MYH7: variants seen among roughly 807,000 people sequenced by gnomAD.
MYH7 encodes the protein myosin heavy chain 7.
A neutral mutation model predicts 225.4 loss-of-function variants in MYH7; 129 were observed. That is an observed-to-expected ratio of 0.57 (90% CI 0.50 to 0.66). The LOEUF is 0.66. Ranked by LOEUF, MYH7 falls within the 30% of genes least tolerant of loss-of-function variation. MYH7 has a pLI of 0.00. For synonymous variants in MYH7, 971 were observed against 1,007.6 expected (o/e 0.96, Z 0.69); for missense variants, 1,649 against 2,517.0 (o/e 0.66, Z 7.38).
At chr14:23,414,965 G>A (rs45559133) in intron 37 of MYH7, 30 bp downstream of exon 37, 1 of 1,602,876 alleles carries the variant, frequency 6.2e-7, no homozygotes, top group South Asian at 1.1e-5. Flanking sequence ...ATGGTGCCAG[G>A]GCTCTGCCTG....
chr14:23,431,455 C>T lies in MYH7; in HGVS notation c.759G>A (p.Gly253=), dbSNP rs1477701266. The T allele has an allele frequency of 6.2e-7, 1 of 1,614,142 alleles. No individual in the cohort carries two copies. Among genetic ancestry groups the T allele is most frequent in the Non-Finnish European group, 8.5e-7 (1 of 1,180,018 alleles). Residue 253 remains glycine (G), a synonymous_variant, in exon 9 of 40, where the codon GGG becomes GGA. Coordinates refer to ENST00000355349, the MANE Select transcript of MYH7 (RefSeq NM_000257.4). ...RFGKFIRIHF[G]ATGKLASADI... is the part of the protein sequence containing the mutation. ...CTGCAGATGCCAACTTTCCTGTTGC[C>T]CCAAAATGAATTCGAATGAATTTCC...
Position 23,415,571 on chromosome 14 carries a change from C to T in MYH7, c.5157+58G>A. ...GAGCATCTATGCATAGCTCTCAAGC[C>T]TTGCTTGCTGAGCCCCAGCCTGTGC... On this transcript the variant is annotated intron_variant, in intron 35 of 39. Transcript: ENST00000355349. The surrounding 1 kb of genome is among the most constrained non-coding windows in gnomAD (Gnocchi z 6.3). The T allele has an allele frequency of 6.2e-7, 1 of 1,613,942 alleles. No homozygotes were observed. The highest frequency in any genetic ancestry group is 8.5e-7 in the Non-Finnish European group (1 of 1,180,040).
Position 23,425,948 on chromosome 14 carries a change from G to A in MYH7, c.2162+16C>T. ...CTCCCCCTGTTCTATGAGCTCTGGT[G>A]CACCCTCATACCCACCTCTGCCGGA... On this transcript the variant is annotated intron_variant, in intron 19 of 39. Transcript: ENST00000355349. This position sits in a 1 kb window ranked among gnomAD's most constrained non-coding sequence, Gnocchi z 4.6. The A allele has an allele frequency of 1.2e-6, 2 of 1,613,212 alleles. No individual in the cohort carries two copies. Among genetic ancestry groups the A allele is most frequent in the East Asian group, 2.2e-5 (1 of 44,882 alleles).
chr14:23,413,255 T>C (rs1892045137), intron 39 of MYH7, among the ~76,000 whole-genome samples: 1 of 152,152 alleles, frequency 6.6e-6, no homozygotes, highest in Non-Finnish European at 1.5e-5. Context: ...GTGGCACCCC[T>C]CCCTAAGGCT....
At position 23,430,602 on chromosome 14, in the gene MYH7, G is replaced by A. The variant is rs368699342; in HGVS notation, c.957C>T (p.Thr319=). 166 of 1,614,110 alleles carry A rather than the reference G, an allele frequency of 1.0e-4. No homozygotes were observed. The highest frequency in any genetic ancestry group is 3.0e-4 in the Admixed American group (18 of 60,008). The change falls in exon 11 of 40, where the codon ACC becomes ACT. Residue 319 remains threonine, a synonymous_variant. Coordinates refer to ENST00000355349, the MANE Select transcript of MYH7 (RefSeq NM_000257.4). ...CCTCAGCGTCATCAATGGAGGCCAC[G>A]GTGGTCTCTCCTTGGGAGATGAATG... ...DYAFISQGET[T]VASIDDAEEL...
chr14:23,423,631 C>G lies in MYH7; in HGVS notation c.3015G>C (p.Gln1005His). The change falls in exon 24 of 40, where the codon CAG becomes CAC. Residue 1005 changes from glutamine to histidine, a missense_variant. Physicochemically the swap from Gln to His is conservative, Grantham distance 24. Coordinates refer to ENST00000355349, the MANE Select transcript of MYH7 (RefSeq NM_000257.4). ...EKKALQEAHQ[Q>H]ALDDLQAEED... ...CCTCGGCCTGAAGGTCATCCAGAGC[C>G]TGTTGGTGGGCCTCTTGCAGAGCTT... 6.2e-7 allele frequency: 1 copy of G among 1,614,136 alleles called. No individual in the cohort carries two copies. The highest frequency in any genetic ancestry group is 1.1e-5 in the South Asian group (1 of 91,086).
chr14:23,421,185 T>A, intron 25 of MYH7, 137 bp from the exon 26 acceptor site: 1 of 706,692 alleles, frequency 1.4e-6, no homozygotes, highest in Non-Finnish European at 2.6e-6. Flanking sequence ...TGATGTAGGA[T>A]CCCTGGAAGT....
chr14:23,431,069 A>C, intron 9 of MYH7, 70 bp from the exon 10 acceptor site: 3 of 1,156,148 alleles, frequency 2.6e-6, no homozygotes, highest in South Asian at 2.5e-5. Flanking sequence ...AATTAATGAT[A>C]AATGTAGCAA....
chr14:23,426,954 A>C, intron 17 of MYH7, 90 bp from the exon 18 acceptor site: 28 of 1,163,676 alleles, frequency 2.4e-5, no homozygotes, highest in Non-Finnish European at 3.2e-5. Context: ...GAAAAGAGAG[A>C]TGGAGAGAAT....
Position 23,427,841 on chromosome 14 carries a change from G to C in MYH7, c.1632C>G (p.Thr544=), listed in dbSNP as rs587781089. The change falls in exon 16 of 40, where the codon ACC becomes ACG. Residue 544 remains threonine (T), a synonymous_variant. Transcript: ENST00000355349. ...LEEECMFPKA[T]DMTFKAKLFD... Reference sequence around the variant, plus strand: ...ACAGCTTGGCCTTGAAGGTCATGTCGGTGGCCTTGGGGAACATGCACTCCT... The same window carrying C: ...ACAGCTTGGCCTTGAAGGTCATGTCCGTGGCCTTGGGGAACATGCACTCCT... 3.1e-6 allele frequency: 5 copies of C among 1,614,178 alleles called. No homozygotes were observed. The Admixed American group carries it at 6.7e-5, about 22-fold the overall frequency.
chr14:23,434,736 A>G (rs1893078937), intron 1 of MYH7, among the ~76,000 whole-genome samples: 1 of 152,204 alleles, frequency 6.6e-6, no homozygotes, highest in African/African-American at 2.4e-5. Context: ...TGATGACTCT[A>G]AAGAGACTTC....
intron 23 of MYH7, 29 bp downstream of exon 23, chr14:23,423,878 G>A (rs762059829): frequency 1.3e-5 from 21 of 1,613,556 alleles, no homozygotes; most frequent in South Asian, 6.6e-5. Flanking sequence ...GATGAGACCC[G>A]GGCTGGAGCC....
Position 23,417,212 on chromosome 14 carries a change from GCGTT to G in MYH7, c.4456_4459del (p.Asn1486ProfsTer26). 6.2e-7 allele frequency: 1 copy of G among 1,614,136 alleles called. No homozygotes were observed. Among genetic ancestry groups the G allele is most frequent in the Non-Finnish European group, 8.5e-7 (1 of 1,180,010 alleles). On this transcript the variant is annotated frameshift_variant, in exon 32 of 40. Coordinates refer to ENST00000355349, the MANE Select transcript of MYH7 (RefSeq NM_000257.4). LOFTEE classifies it high-confidence loss of function. ...CAGATGTTCCAGGGACTCCTCATAGGCGTTCTTGAGTTTGAAGAGCTCTGTGCTG... is the reference window on the plus strand; with the variant it reads ...CAGATGTTCCAGGGACTCCTCATAGGCTTGAGTTTGAAGAGCTCTGTGCTG...
chr14:23,422,865 G>A (rs919609220), intron 24 of MYH7, among the ~76,000 whole-genome samples: 5 of 152,108 alleles, frequency 3.3e-5, no homozygotes, highest in African/African-American at 9.7e-5. Flanking sequence ...TCTTGACCTC[G>A]TGATCCACCC....
At chr14:23,431,969 C>G (rs1892965389) in intron 6 of MYH7, 100 bp from the exon 7 acceptor site, 1 of 1,265,458 alleles carries the variant, frequency 7.9e-7, no homozygotes, top group Admixed American at 1.8e-5. Context: ...GAGTAGGAGC[C>G]CTGGGCAAGA....
chr14:23,432,980 T>A, intron 4 of MYH7, 104 bp downstream of exon 4: 3 of 1,565,044 alleles, frequency 1.9e-6, no homozygotes, highest in Non-Finnish European at 2.6e-6. Context: ...GAGGTTAGAG[T>A]GTAACCCTGC....
At chr14:23,432,400 G>C in intron 6 of MYH7, 79 bp downstream of exon 6, 2 of 1,574,216 alleles carry the variant, frequency 1.3e-6, no homozygotes, top group Non-Finnish European at 8.7e-7. Context: ...TCTATGCCTC[G>C]GGGCCTGGGA....
chr14:23,429,732 C>T lies in MYH7; in HGVS notation c.1138+43G>A, dbSNP rs535470211. On this transcript the variant is annotated intron_variant, in intron 12 of 39. Coordinates refer to ENST00000355349, the MANE Select transcript of MYH7 (RefSeq NM_000257.4). ...AGATGACTGCTGAGCAGACATGGCC[C>T]TCCATGACTTGACAGCTGCCCCCAA... The T allele has an allele frequency of 4.2e-5, 67 of 1,609,444 alleles. No homozygotes were observed. The South Asian group carries it at 6.2e-4, about 15-fold the overall frequency.
intron 12 of MYH7, 124 bp from the exon 13 acceptor site, chr14:23,429,471 T>C: frequency 3.0e-6 from 3 of 1,009,126 alleles, no homozygotes; most frequent in Non-Finnish European, 4.6e-6. Flanking sequence ...AGGTCAGGAG[T>C]TTGAGACCAA....
Sources: allele counts gnomAD v4.1 joint callset (sites outside exome capture counted in the v4.1 genomes callset), GRCh38; gene constraint gnomAD v4.1.1; non-coding constraint Gnocchi (gnomAD v3.1); transcripts MANE v1.5; gene names NCBI Gene and HGNC (gene_info 2026-07-23, HGNC 2026-07-21).